The following SEPTIN14 variants were observed in gnomAD, a reference collection of about 807,000 sequenced individuals.
SEPTIN14 encodes septin 14, also known as septin-14.
A neutral mutation model predicts 53.6 loss-of-function variants in SEPTIN14; 40 were observed. The observed-to-expected ratio is 0.75, with a 90% CI of 0.58 to 0.97. The LOEUF (loss-of-function observed/expected upper bound fraction) is 0.97. Among genes scored for constraint, SEPTIN14 ranks in the 50% least tolerant of loss-of-function variants. The probability of loss-of-function intolerance (pLI) is 0.00; values close to 1 mark genes in which losing one functional copy is unlikely to be tolerated. For synonymous variants in SEPTIN14, 138 were observed against 166.8 expected (o/e 0.83, Z 1.33); for missense variants, 471 against 508.2 (o/e 0.93, Z 0.70).
At chr7:55,851,914 G>A (rs542280524) in intron 2 of SEPTIN14, among the ~76,000 whole-genome samples, 6 of 152,078 alleles carry the variant, frequency 3.9e-5, no homozygotes, top group East Asian at 1.9e-4. Context: ...AGGCTGAGGC[G>A]GGTGGATCAT....
chr7:55,850,340 C>T (rs1041580086), intron 2 of SEPTIN14, among the ~76,000 whole-genome samples: 1 of 152,010 alleles, frequency 6.6e-6, no homozygotes, highest in African/African-American at 2.4e-5. Flanking sequence ...CATGGTGGCA[C>T]GTGCCTGTAA....
At chr7:55,853,344 A>G (rs1314962273) in intron 2 of SEPTIN14, among the ~76,000 whole-genome samples, 1 of 152,222 alleles carries the variant, frequency 6.6e-6, no homozygotes, top group Admixed American at 6.5e-5. Flanking sequence ...AAACTATTCA[A>G]TCATCAAAAA....
intron 2 of SEPTIN14, among the ~76,000 whole-genome samples, chr7:55,855,861 C>CT (rs547418017): frequency 7.2e-5 from 11 of 151,768 alleles, no homozygotes; most frequent in Non-Finnish European, 1.2e-4. Flanking sequence ...CCTGTAGCTG[C>CT]TTTTTTTTGT....
intron 7 of SEPTIN14, among the ~76,000 whole-genome samples, chr7:55,817,364 G>C (rs746303132): frequency 9.2e-5 from 14 of 151,962 alleles, no homozygotes; most frequent in Non-Finnish European, 1.8e-4. Flanking sequence ...GGGTATGTAG[G>C]AGAGATGTTG....
intron 2 of SEPTIN14, among the ~76,000 whole-genome samples, chr7:55,850,099 T>A (rs1789493412): frequency 6.6e-6 from 1 of 152,156 alleles, no homozygotes; most frequent in South Asian, 2.1e-4. Flanking sequence ...AAAGAAAAAT[T>A]CACACAAACT....
intron 5 of SEPTIN14, among the ~76,000 whole-genome samples, chr7:55,838,555 T>C (rs1789249649): frequency 8.5e-6 from 1 of 118,300 alleles, no homozygotes; most frequent in African/African-American, 3.2e-5. Context: ...CTTCCTTCCT[T>C]TCTTTCTTTC....
intron 7 of SEPTIN14, among the ~76,000 whole-genome samples, chr7:55,814,911 A>C (rs1420276466): frequency 1.1e-4 from 17 of 152,230 alleles, no homozygotes; most frequent in Non-Finnish European, 2.4e-4. Flanking sequence ...AGCTATAGTA[A>C]GTGAAACAGC....
intron 9 of SEPTIN14, among the ~76,000 whole-genome samples, chr7:55,796,939 A>G (rs897269435): frequency 6.6e-6 from 1 of 152,146 alleles, no homozygotes; most frequent in African/African-American, 2.4e-5. Flanking sequence ...CCTGGCCAAC[A>G]TAGTGAAACC....
chr7:55,811,035 T>C, intron 7 of SEPTIN14: 2 of 456,678 alleles, frequency 4.4e-6, no homozygotes, highest in Non-Finnish European at 8.4e-6. Context: ...TTTATTTTCT[T>C]CTTCTTCCTC....
chr7:55,852,216 A>G (rs372391806), intron 2 of SEPTIN14, among the ~76,000 whole-genome samples: 1 of 152,240 alleles, frequency 6.6e-6, no homozygotes, highest in South Asian at 2.1e-4. Context: ...CCCACAAAAG[A>G]CACAGAATAT....
chr7:55,844,566 C>T lies in SEPTIN14; in HGVS notation c.328G>A (p.Val110Met), dbSNP rs1789368278. ...TGATCACCATACCCTACTGTCTCCA[C>T]AACAGTCAATTTCAACTGAACATTG... Reference protein sequence around the residue: ...ESNVQLKLTVVETVGYGDQID... With the variant: ...ESNVQLKLTVMETVGYGDQID... The change falls in exon 4 of 10, where the codon GTG becomes ATG. Residue 110 changes from valine to methionine, a missense_variant. By Grantham distance (21) the Val-to-Met change is conservative. Coordinates refer to ENST00000388975, the MANE Select transcript of SEPTIN14 (RefSeq NM_207366.3). 2 of 1,604,786 alleles carry T rather than the reference C, an allele frequency of 1.2e-6. No homozygotes were observed. Among genetic ancestry groups the T allele is most frequent in the Non-Finnish European group, 1.7e-6 (2 of 1,173,798 alleles).
At chr7:55,814,848 G>T (rs1418344985) in intron 7 of SEPTIN14, among the ~76,000 whole-genome samples, 2 of 151,950 alleles carry the variant, frequency 1.3e-5, no homozygotes, top group African/African-American at 4.8e-5. Context: ...AGCAATTCTG[G>T]GCAAAAATAA....
chr7:55,813,338 T>C (rs544838956), intron 7 of SEPTIN14, among the ~76,000 whole-genome samples: 3 of 152,078 alleles, frequency 2.0e-5, no homozygotes, highest in Non-Finnish European at 4.4e-5. Context: ...CCTCCACCAC[T>C]AGTTAATTAA....
chr7:55,861,853 C>T lies in SEPTIN14; in HGVS notation c.54+90G>A, dbSNP rs1789755050. 7 of 765,230 alleles carry T rather than the reference C, an allele frequency of 9.1e-6. No individual in the cohort carries two copies. In the East Asian group the frequency reaches 2.1e-4, roughly 23 times the overall value. The allele number at this position is 765,230 out of a possible 1,614,324, so 47.4% of individuals were successfully genotyped here. The stretch of plus-strand genomic sequence containing the variant: ...AACAAACAAGACTTTATCTTCTATG[C>T]CTACATCAGTTTTCCAAGTCAATAT... On this transcript the variant is annotated intron_variant, in intron 2 of 9. Transcript: ENST00000388975.
chr7:55,804,134 TAAAAAAAAAA>T (rs35467838), intron 9 of SEPTIN14, among the ~76,000 whole-genome samples: 1 of 47,056 alleles, frequency 2.1e-5, no homozygotes, highest in African/African-American at 8.0e-5. Context: ...AGACTCTGTC[TAAAAAAAAAA>T]AAAAAAAAAA....
At chr7:55,833,875 T>A (rs1789157792) in intron 6 of SEPTIN14, among the ~76,000 whole-genome samples, 1 of 152,086 alleles carries the variant, frequency 6.6e-6, no homozygotes, top group Non-Finnish European at 1.5e-5. Context: ...AGTTTATTTC[T>A]TACAGAAATA....
At position 55,818,977 on chromosome 7, in the gene SEPTIN14, C is replaced by T. The variant is rs1168335489; in HGVS notation, c.817+150G>A. 1.1e-4 allele frequency: 68 copies of T among 602,530 alleles called. No individual in the cohort carries two copies. In the East Asian group the frequency reaches 1.9e-3, roughly 17 times the overall value. The allele number at this position is 602,530 out of a possible 1,614,324, so 37.3% of individuals were successfully genotyped here. ...AAAGTAAGCATTAGTTTAAATAAAA[C>T]AGAGTTTGTGTTCCCCATTAGTAAC... On this transcript the variant is annotated intron_variant, in intron 7 of 9. Coordinates refer to ENST00000388975, the MANE Select transcript of SEPTIN14 (RefSeq NM_207366.3).
rs377532592 is a variant in SEPTIN14 at position 55,794,760 on chromosome 7, C to T, written c.*1153G>A. On this transcript the variant is annotated 3_prime_UTR_variant, in exon 10 of 10. Coordinates refer to ENST00000388975, the MANE Select transcript of SEPTIN14 (RefSeq NM_207366.3). The stretch of plus-strand genomic sequence containing the variant: ...CTGCCTCCTGGCTACAAGCGATTCT[C>T]CTGCCTCAGCTTTCCGAGTAGCAGG... 1.3e-5 allele frequency: 2 copies of T among 152,304 alleles called. No homozygotes were observed. Among genetic ancestry groups the T allele is most frequent in the East Asian group, 1.9e-4 (1 of 5,186 alleles). 9.4% of individuals were successfully genotyped at this position (152,304 alleles called of 1,614,324 possible).
At position 55,834,514 on chromosome 7, in the gene SEPTIN14, T is replaced by A. The variant is rs1434763482; in HGVS notation, c.631A>T (p.Ile211Leu). Reference protein sequence around the residue: ...KNDLQTFKNKIMSELISNGIQ... With the variant: ...KNDLQTFKNKLMSELISNGIQ... ...CCATTGCTAATCAATTCACTCATTA[T>A]CTTATTCTTAAACGTCTGTAAATCA... is the stretch of plus-strand genomic sequence containing the variant. Residue 211 changes from isoleucine to leucine, a missense_variant, in exon 6 of 10, where the codon ATA becomes TTA. By Grantham distance (5) the Ile-to-Leu change is conservative (BLOSUM62 2). Transcript: ENST00000388975. 1 of 1,612,000 alleles carries A rather than the reference T, an allele frequency of 6.2e-7. No individual in the cohort carries two copies.
Sources: gnomAD v4.1 joint callset for allele counts (sites outside exome capture counted in the v4.1 genomes callset) on GRCh38, gnomAD v4.1.1 for gene constraint, MANE v1.5 for transcripts, NCBI Gene and HGNC (gene_info 2026-07-23, HGNC 2026-07-21) for gene names.